The following AKAP13 variants were observed in gnomAD, a reference collection of about 807,000 sequenced individuals.
The protein encoded by AKAP13 is A-kinase anchoring protein 13, also known as A-kinase anchor protein 13.
A neutral mutation model predicts 264.5 loss-of-function variants in AKAP13; 80 were observed. The observed-to-expected ratio is 0.30, with a 90% CI of 0.25 to 0.36. AKAP13 has a LOEUF of 0.36. AKAP13 is among the 10% of genes least tolerant of loss of function. The pLI is 1.00. For synonymous variants in AKAP13, 1,380 were observed against 1,250.2 expected, an observed-to-expected ratio of 1.10 and a Z score of -2.19; for missense variants, 3,712 against 3,435.2, an observed-to-expected ratio of 1.08 and a Z score of -2.01.
chr15:85,711,052 G>C (rs938672676), intron 19 of AKAP13, among the ~76,000 whole-genome samples: 1 of 150,872 alleles, frequency 6.6e-6, no homozygotes. Context: ...GTCTCTCTCT[G>C]TCGCCCAGGC....
chr15:85,717,217 G>A lies in AKAP13; in HGVS notation c.5736-73G>A, dbSNP rs1367365142. 25 of 925,902 alleles carry A rather than the reference G, an allele frequency of 2.7e-5. No individual in the cohort carries two copies. In the East Asian group the frequency reaches 6.7e-4, roughly 25 times the overall value. 57.4% of individuals were successfully genotyped at this position (925,902 alleles called of 1,614,324 possible). A position where few individuals can be genotyped will look rare whatever the true frequency, so the allele number is the denominator to read the frequency against. On this transcript the variant is annotated intron_variant, in intron 20 of 36. Coordinates refer to ENST00000394518, the MANE Select transcript of AKAP13 (RefSeq NM_007200.5). Reference sequence around the variant, plus strand: ...CCAGTTGTCATTCTAGAGTCTTCAGGTACTCATTTAAGAATGCAAGCCATA... The same window carrying A: ...CCAGTTGTCATTCTAGAGTCTTCAGATACTCATTTAAGAATGCAAGCCATA...
chr15:85,524,659 C>G (rs116273169), intron 3 of AKAP13, among the ~76,000 whole-genome samples: 1 of 152,080 alleles, frequency 6.6e-6, no homozygotes, highest in African/African-American at 2.4e-5. Context: ...AACCTTTTAT[C>G]AAATCAATAT....
At chr15:85,406,396 G>GTTTTTTTTTTTTTTTT (rs34569805) in intron 1 of AKAP13, among the ~76,000 whole-genome samples, 1 of 143,834 alleles carries the variant, frequency 7.0e-6, no homozygotes. Flanking sequence ...CTAGAAAATA[G>GTTTTTTTTTTTTTTTT]TTTTTTTTTT....
intron 1 of AKAP13, among the ~76,000 whole-genome samples, chr15:85,465,988 A>G (rs1184084722): frequency 1.4e-4 from 21 of 151,546 alleles, no homozygotes; most frequent in Non-Finnish European, 2.2e-4. Context: ...AAGTGTTCCT[A>G]TTTCTCCACA....
chr15:85,694,705 A>G (rs6496174), intron 17 of AKAP13, among the ~76,000 whole-genome samples: 50,661 of 152,082 alleles, frequency 0.33, 8,754 homozygotes, highest in African/African-American at 0.42. Context: ...ACCAGGGTAA[A>G]TCAAGGAGGC....
At chr15:85,665,713 G>A (rs1044142324) in intron 13 of AKAP13, among the ~76,000 whole-genome samples, 2 of 152,132 alleles carry the variant, frequency 1.3e-5, no homozygotes, top group South Asian at 2.1e-4. Flanking sequence ...GGTGTGTGAT[G>A]TTCCCCGCCC....
intron 3 of AKAP13, among the ~76,000 whole-genome samples, chr15:85,523,845 G>C (rs1183403939): frequency 7.3e-6 from 1 of 136,920 alleles, no homozygotes; most frequent in Non-Finnish European, 1.5e-5. Context: ...ATTCAAAAGA[G>C]TCTCTGGCTT....
chr15:85,392,374 C>A (rs538264786), intron 1 of AKAP13, among the ~76,000 whole-genome samples: 13 of 150,996 alleles, frequency 8.6e-5, no homozygotes, highest in African/African-American at 2.7e-4. Context: ...CCTGCCTCAG[C>A]CTCCTGAGTA....
intron 8 of AKAP13, among the ~76,000 whole-genome samples, chr15:85,593,824 C>G (rs761510212): frequency 1.3e-5 from 2 of 151,980 alleles, no homozygotes; most frequent in African/African-American, 2.4e-5. Context: ...ATATTGACAG[C>G]CAATGATAAT....
chr15:85,409,745 G>C (rs753477126), intron 1 of AKAP13, among the ~76,000 whole-genome samples: 9 of 149,226 alleles, frequency 6.0e-5, no homozygotes, highest in African/African-American at 2.0e-4. Flanking sequence ...ATTCTCCTGC[G>C]TCAGCCTCCC....
At chr15:85,410,680 T>C (rs1006185429) in intron 1 of AKAP13, among the ~76,000 whole-genome samples, 1 of 151,566 alleles carries the variant, frequency 6.6e-6, no homozygotes, top group Non-Finnish European at 1.5e-5. Flanking sequence ...GTGCTTGTGC[T>C]GTGCTCTCTG....
intron 1 of AKAP13, among the ~76,000 whole-genome samples, chr15:85,391,513 C>T (rs2150805437): frequency 6.8e-6 from 1 of 147,270 alleles, no homozygotes; most frequent in East Asian, 2.0e-4. Context: ...AAGACAGGGT[C>T]TCACTCCTTT....
intron 1 of AKAP13, among the ~76,000 whole-genome samples, chr15:85,425,055 T>A (rs1436156118): frequency 6.6e-6 from 1 of 152,120 alleles, no homozygotes; most frequent in East Asian, 1.9e-4. Flanking sequence ...ATAACAGATA[T>A]AATAATGAAG....
intron 4 of AKAP13, 95 bp from the exon 5 acceptor site, chr15:85,543,677 G>T: frequency 1.5e-6 from 2 of 1,327,938 alleles, no homozygotes; most frequent in Non-Finnish European, 2.0e-6. Flanking sequence ...TTAGGCACTT[G>T]GAGGCAGTGG....
intron 8 of AKAP13, among the ~76,000 whole-genome samples, chr15:85,616,899 G>C (rs558596037): frequency 4.7e-4 from 72 of 152,176 alleles, no homozygotes; most frequent in Non-Finnish European, 8.7e-4. Context: ...CCCACCCAGG[G>C]TATTTGTCCT....
intron 5 of AKAP13, among the ~76,000 whole-genome samples, chr15:85,551,801 A>G: frequency 6.6e-6 from 1 of 152,256 alleles, no homozygotes. Flanking sequence ...GACCTGGAGT[A>G]TAGGGCTTGA....
At position 85,580,659 on chromosome 15, in the gene AKAP13, G is replaced by T. The variant is rs758805052; in HGVS notation, c.2591G>T (p.Ser864Ile). ...AELQHGMGNT[S>I]LTGLGGEHEG... ...CTTCAGCACGGGATGGGGAATACCA[G>T]TCTCACAGGACTTGGTGGAGAGCAT... The change falls in exon 7 of 37, where the codon AGT becomes ATT. Residue 864 changes from serine to isoleucine, a missense_variant. By Grantham distance (142) the Ser-to-Ile change is moderately radical. Transcript: ENST00000394518. 1 of 1,614,212 alleles carries T rather than the reference G, an allele frequency of 6.2e-7. No homozygotes were observed. Among genetic ancestry groups the T allele is most frequent in the South Asian group, 1.1e-5 (1 of 91,088 alleles).
intron 1 of AKAP13, among the ~76,000 whole-genome samples, chr15:85,442,498 T>TTATATTATATATAATA (rs1555429992): frequency 6.5e-5 from 7 of 107,530 alleles, no homozygotes; most frequent in Admixed American, 2.0e-4. Flanking sequence ...ATAATATATA[T>TTATATTATATATAATA]TATATTATAT....
intron 10 of AKAP13, among the ~76,000 whole-genome samples, chr15:85,654,488 A>G (rs180974772): frequency 6.6e-6 from 1 of 152,310 alleles, no homozygotes; most frequent in Admixed American, 6.5e-5. Context: ...GCAGTTGGTG[A>G]TATTTACTGA....
Sources: gnomAD v4.1 joint callset for allele counts (sites outside exome capture counted in the v4.1 genomes callset) on GRCh38, gnomAD v4.1.1 for gene constraint, MANE v1.5 for transcripts, NCBI Gene and HGNC (gene_info 2026-07-23, HGNC 2026-07-21) for gene names.